Variants in CCDC178 observed in about 807,000 individuals in gnomAD.
CCDC178 encodes coiled-coil domain containing 178, also known as coiled-coil domain-containing protein 178.
Under a neutral mutation model 117.4 loss-of-function variants are expected in CCDC178, and 126 were observed. The observed-to-expected ratio is 1.07, with a 90% CI of 0.93 to 1.24. The LOEUF is 1.24. Ranked by LOEUF, CCDC178 falls within the 50% of genes most tolerant of loss-of-function variation. CCDC178 has a pLI of 0.00. For synonymous variants in CCDC178, 283 were observed against 313.4 expected (o/e 0.90, Z 1.02); for missense variants, 1,030 against 986.9 (o/e 1.04, Z -0.59).
intron 6 of CCDC178, among the ~76,000 whole-genome samples, chr18:33,362,196 T>TATAC (rs1395344890): frequency 6.7e-6 from 1 of 150,154 alleles, no homozygotes; most frequent in African/African-American, 2.4e-5. Flanking sequence ...TATACATATA[T>TATAC]ATATATATAG....
At chr18:33,147,109 G>C (rs2058276692) in intron 20 of CCDC178, among the ~76,000 whole-genome samples, 1 of 149,612 alleles carries the variant, frequency 6.7e-6, no homozygotes, top group South Asian at 2.1e-4. Flanking sequence ...TAATCCCAGA[G>C]AGCACATTAG....
intron 21 of CCDC178, among the ~76,000 whole-genome samples, chr18:33,059,813 C>T (rs2056893618): frequency 1.3e-5 from 2 of 152,270 alleles, no homozygotes; most frequent in African/African-American, 4.8e-5. Context: ...AAAACATAAA[C>T]TTGGTCATGC....
intron 21 of CCDC178, among the ~76,000 whole-genome samples, chr18:33,035,824 CAA>C (rs1347548827): frequency 6.6e-6 from 1 of 151,668 alleles, no homozygotes; most frequent in African/African-American, 2.4e-5. Flanking sequence ...ATTAAATATT[CAA>C]AAGAGTTTGG....
At chr18:33,195,861 T>C (rs1292572064) in intron 20 of CCDC178, among the ~76,000 whole-genome samples, 2 of 152,230 alleles carry the variant, frequency 1.3e-5, no homozygotes, top group Non-Finnish European at 2.9e-5. Flanking sequence ...TACATATTTA[T>C]CTGCATCCTT....
At chr18:33,335,148 G>A (rs1030910400) in intron 9 of CCDC178, among the ~76,000 whole-genome samples, 5 of 151,570 alleles carry the variant, frequency 3.3e-5, no homozygotes, top group Admixed American at 1.3e-4. Context: ...TTTTGTTGTT[G>A]GGTTTCTCCT....
intron 20 of CCDC178, among the ~76,000 whole-genome samples, chr18:33,095,557 CT>C (rs1329380043): frequency 6.6e-6 from 1 of 151,972 alleles, no homozygotes; most frequent in African/African-American, 2.4e-5. Context: ...AGATGTTGCA[CT>C]GCGAAGATCT....
chr18:33,055,320 TA>T (rs1266249137), intron 21 of CCDC178, among the ~76,000 whole-genome samples: 1 of 152,120 alleles, frequency 6.6e-6, no homozygotes, highest in Non-Finnish European at 1.5e-5. Flanking sequence ...AATCTGATCT[TA>T]TCTTTAACTT....
At chr18:33,304,051 A>G (rs1473074060) in intron 11 of CCDC178, among the ~76,000 whole-genome samples, 1 of 152,160 alleles carries the variant, frequency 6.6e-6, no homozygotes, top group Non-Finnish European at 1.5e-5. Flanking sequence ...GGAATAGTGC[A>G]TTGTATTTCC....
chr18:33,021,882 T>TTC (rs1056967535), intron 21 of CCDC178, among the ~76,000 whole-genome samples: 7 of 150,982 alleles, frequency 4.6e-5, no homozygotes, highest in Admixed American at 1.3e-4. Context: ...AACTAGACTT[T>TTC]TCTCTCTCTC....
At chr18:33,046,598 A>G (rs150525519) in intron 21 of CCDC178, among the ~76,000 whole-genome samples, 58 of 152,298 alleles carry the variant, frequency 3.8e-4, no homozygotes, top group African/African-American at 1.3e-3. Flanking sequence ...GAGGAAAAAA[A>G]TTAAACAAGC....
intron 21 of CCDC178, among the ~76,000 whole-genome samples, chr18:32,986,993 T>C (rs984027046): frequency 1.3e-5 from 2 of 151,694 alleles, no homozygotes; most frequent in African/African-American, 2.4e-5. Flanking sequence ...AGGTTAGATA[T>C]AGTGGTTTGG....
rs376528772 is a variant in CCDC178 at position 33,167,204 on chromosome 18, ATC to A, written c.2238+44690_2238+44691del. 4.6e-3 allele frequency among the ~76,000 whole-genome samples: 705 copies of A among 152,140 alleles called. 4 individuals carry two copies. Among genetic ancestry groups the A allele is most frequent in the African/African-American group, 0.016 (659 of 41,486 alleles). ...ACTGATGGACATTTAGGTTGATTCC[ATC>A]TCTTTACTATTGTTAATAGTGCTGC... On this transcript the variant is annotated intron_variant, in intron 20 of 22. Transcript: ENST00000383096.
chr18:33,262,004 T>C (rs1361956368), intron 14 of CCDC178, among the ~76,000 whole-genome samples: 1 of 152,172 alleles, frequency 6.6e-6, no homozygotes, highest in African/African-American at 2.4e-5. Context: ...TAAGTAGACA[T>C]TCATGATTTC....
intron 20 of CCDC178, among the ~76,000 whole-genome samples, chr18:33,149,183 A>G (rs1391376801): frequency 2.0e-5 from 3 of 152,188 alleles, no homozygotes; most frequent in Non-Finnish European, 4.4e-5. Flanking sequence ...GTAATACTCT[A>G]TGGGAAAAAT....
intron 22 of CCDC178, among the ~76,000 whole-genome samples, chr18:32,943,889 A>G (rs1568170700): frequency 6.6e-6 from 1 of 152,226 alleles, no homozygotes; most frequent in Non-Finnish European, 1.5e-5. Flanking sequence ...ATGTGCAGAA[A>G]AAGAATTTAG....
intron 16 of CCDC178, among the ~76,000 whole-genome samples, chr18:33,226,216 CTT>C (rs1023862743): frequency 1.6e-4 from 25 of 152,190 alleles, no homozygotes; most frequent in Admixed American, 1.4e-3. Flanking sequence ...TGTTTTGACT[CTT>C]GTTTTTTTTC....
intron 20 of CCDC178, among the ~76,000 whole-genome samples, chr18:33,169,058 G>T (rs571479218): frequency 6.6e-6 from 1 of 151,986 alleles, no homozygotes; most frequent in African/African-American, 2.4e-5. Context: ...TGCCCAATAC[G>T]TTGAAGCATT....
intron 21 of CCDC178, among the ~76,000 whole-genome samples, chr18:33,027,543 T>C (rs2056253576): frequency 6.6e-6 from 1 of 151,624 alleles, no homozygotes; most frequent in African/African-American, 2.4e-5. Flanking sequence ...ACATCAGAAA[T>C]ATATATCATA....
intron 20 of CCDC178, among the ~76,000 whole-genome samples, chr18:33,209,020 G>A (rs973090638): frequency 1.3e-5 from 2 of 151,928 alleles, no homozygotes; most frequent in African/African-American, 4.8e-5. Context: ...GATACAGCAG[G>A]TCTTCTAAGG....
Sources: allele counts gnomAD v4.1 joint callset (sites outside exome capture counted in the v4.1 genomes callset), GRCh38; gene constraint gnomAD v4.1.1; transcripts MANE v1.5; gene names NCBI Gene and HGNC (gene_info 2026-07-23, HGNC 2026-07-21).